The following BBS9 variants were observed in gnomAD, a reference collection of about 807,000 sequenced individuals.
BBS9 encodes Bardet-Biedl syndrome 9, also known as protein PTHB1.
Under a neutral mutation model 117.7 loss-of-function variants are expected in BBS9, and 89 were observed. The observed-to-expected ratio is 0.76, with a 90% CI of 0.64 to 0.90. BBS9 has a LOEUF of 0.90. Ranked by LOEUF, BBS9 falls within the 40% of genes least tolerant of loss-of-function variation. The probability of loss-of-function intolerance (pLI) is 0.00; values close to 1 mark genes in which losing one functional copy is unlikely to be tolerated. For synonymous variants in BBS9, 379 were observed against 370.9 expected (o/e 1.02, Z -0.25); for missense variants, 982 against 1,042.2 (o/e 0.94, Z 0.80).
chr7:33,368,438 C>T (rs1822205684), intron 17 of BBS9, among the ~76,000 whole-genome samples: 1 of 152,066 alleles, frequency 6.6e-6, no homozygotes, highest in African/African-American at 2.4e-5. Context: ...ATAGTCGAAA[C>T]TAGTCAATGT....
At chr7:33,322,356 CTTTTTTTTTTTTT>C (rs35411730) in intron 9 of BBS9, among the ~76,000 whole-genome samples, 3 of 74,170 alleles carry the variant, frequency 4.0e-5, no homozygotes, top group African/African-American at 1.4e-4. Flanking sequence ...GGGTCTCAGG[CTTTTTTTTTTTTT>C]TTTTTTTTTT....
intron 12 of BBS9, among the ~76,000 whole-genome samples, chr7:33,347,219 G>A (rs1419611406): frequency 6.6e-6 from 1 of 151,904 alleles, no homozygotes; most frequent in Non-Finnish European, 1.5e-5. Flanking sequence ...TGTTAGCATG[G>A]TTCCATGAAT....
intron 5 of BBS9, among the ~76,000 whole-genome samples, chr7:33,226,196 A>T (rs1296846016): frequency 6.6e-6 from 1 of 152,224 alleles, no homozygotes; most frequent in Non-Finnish European, 1.5e-5. Flanking sequence ...TTTGTGACCC[A>T]GAAGAGGAAA....
At chr7:33,155,065 TGTG>T (rs1793906506) in intron 3 of BBS9, among the ~76,000 whole-genome samples, 1 of 152,226 alleles carries the variant, frequency 6.6e-6, no homozygotes, top group Admixed American at 6.5e-5. Context: ...TGGGAATTGT[TGTG>T]GTGATATTGG....
chr7:33,403,096 T>A (rs1829212210), intron 19 of BBS9, among the ~76,000 whole-genome samples: 1 of 151,912 alleles, frequency 6.6e-6, no homozygotes, highest in Admixed American at 6.6e-5. Context: ...TTTAAAAAAA[T>A]AATTTCAACT....
intron 21 of BBS9, among the ~76,000 whole-genome samples, chr7:33,621,818 T>G (rs1193692227): frequency 6.6e-6 from 1 of 152,218 alleles, no homozygotes; most frequent in Admixed American, 6.5e-5. Flanking sequence ...TGGAATACTA[T>G]TTAGCCTTTA....
At chr7:33,537,758 A>G (rs1263803195) in intron 21 of BBS9, among the ~76,000 whole-genome samples, 1 of 152,196 alleles carries the variant, frequency 6.6e-6, no homozygotes, top group African/African-American at 2.4e-5. Flanking sequence ...GCTTCCTTTT[A>G]TAACCTCAGT....
intron 19 of BBS9, among the ~76,000 whole-genome samples, chr7:33,407,763 G>T (rs958120630): frequency 1.3e-5 from 2 of 152,162 alleles, no homozygotes; most frequent in Non-Finnish European, 2.9e-5. Context: ...TTTGTGATCC[G>T]CCAATGCTGC....
intron 19 of BBS9, among the ~76,000 whole-genome samples, chr7:33,397,354 A>G (rs1828156725): frequency 6.6e-6 from 1 of 152,146 alleles, no homozygotes; most frequent in African/African-American, 2.4e-5. Flanking sequence ...AAAAAGGAAC[A>G]CTTTTATACG....
chr7:33,370,141 C>A (rs1421067909), intron 17 of BBS9, among the ~76,000 whole-genome samples: 1 of 151,800 alleles, frequency 6.6e-6, no homozygotes, highest in Non-Finnish European at 1.5e-5. Flanking sequence ...CCCTGGGGAA[C>A]TGAGTAGGAT....
At chr7:33,150,276 A>G (rs985474371) in intron 2 of BBS9, among the ~76,000 whole-genome samples, 7 of 152,124 alleles carry the variant, frequency 4.6e-5, no homozygotes, top group African/African-American at 1.7e-4. Context: ...TGAGATTTAA[A>G]CCTATCATTC....
chr7:33,341,213 G>A (rs1226872986), intron 11 of BBS9, among the ~76,000 whole-genome samples: 1 of 152,158 alleles, frequency 6.6e-6, no homozygotes, highest in African/African-American at 2.4e-5. Context: ...AGAGAGAGCA[G>A]TAGGAGGGCT....
At chr7:33,632,156 T>A (rs1193330380) in intron 21 of BBS9, among the ~76,000 whole-genome samples, 1 of 152,088 alleles carries the variant, frequency 6.6e-6, no homozygotes, top group East Asian at 1.9e-4. Context: ...TTCTTTAGTG[T>A]TTCCCTTCTG....
intron 19 of BBS9, among the ~76,000 whole-genome samples, chr7:33,505,249 G>A (rs1585052144): frequency 6.8e-6 from 1 of 146,096 alleles, no homozygotes; most frequent in South Asian, 2.3e-4. Context: ...TCCACTTCTG[G>A]CCATATGGAT....
chr7:33,212,740 G>A (rs1235797438), intron 5 of BBS9, among the ~76,000 whole-genome samples: 6 of 152,146 alleles, frequency 3.9e-5, no homozygotes, highest in Admixed American at 6.5e-5. Context: ...GCACAATATC[G>A]CTGTGGTTTC....
chr7:33,278,019 T>C (rs769850738), intron 9 of BBS9, among the ~76,000 whole-genome samples: 31 of 152,168 alleles, frequency 2.0e-4, no homozygotes, highest in Admixed American at 1.3e-3. Flanking sequence ...CTATTTTTAC[T>C]TAAACTATAG....
intron 21 of BBS9, among the ~76,000 whole-genome samples, chr7:33,544,238 C>T (rs1040359187): frequency 9.9e-5 from 15 of 152,040 alleles, no homozygotes; most frequent in East Asian, 1.9e-4. Context: ...GGTGAGCTAG[C>T]GTGATTTTTT....
rs1815371010 is a variant in BBS9, at chr7:33,336,459, A to G, written c.1035A>G (p.Ile345Met). The change falls in exon 10 of 23, where the codon ATA (isoleucine) becomes ATG (methionine). Residue 345 changes from isoleucine (I) to methionine (M), a missense_variant. Coordinates refer to ENST00000242067, the MANE Select transcript of BBS9 (RefSeq NM_198428.3). Reference protein sequence around the residue: ...VGCLHDLKGVIVTLSDDGHLQ... With the variant: ...VGCLHDLKGVMVTLSDDGHLQ... ...ATTGTAGTGATTTAAAGGGAGTGAT[A>G]GTCACTCTGAGTGATGATGGTCACT... The G allele has an allele frequency of 1.2e-6, 2 of 1,613,370 alleles. No individual in the cohort carries two copies. The highest frequency in any genetic ancestry group is 8.5e-7 in the Non-Finnish European group (1 of 1,179,512).
At chr7:33,203,925 A>G (rs1583610066) in intron 5 of BBS9, among the ~76,000 whole-genome samples, 1 of 149,246 alleles carries the variant, frequency 6.7e-6, no homozygotes, top group African/African-American at 2.5e-5. Context: ...GTTTCACCAT[A>G]TTGGCCAGGC....
Sources: allele counts gnomAD v4.1 joint callset (sites outside exome capture counted in the v4.1 genomes callset), GRCh38; gene constraint gnomAD v4.1.1; transcripts MANE v1.5; gene names NCBI Gene and HGNC (gene_info 2026-07-23, HGNC 2026-07-21).